MAMSTR: variants seen among roughly 807,000 people sequenced by gnomAD.
MAMSTR encodes MEF2-activating motif and SAP domain-containing transcriptional regulator.
MAMSTR carries 41 observed loss-of-function variants against 42.7 expected under a neutral mutation model. That is an observed-to-expected ratio of 0.96 (90% CI 0.75 to 1.25). The LOEUF (loss-of-function observed/expected upper bound fraction) is 1.25. MAMSTR is among the 50% of genes most tolerant of loss of function. The pLI, the probability that MAMSTR is intolerant of heterozygous loss-of-function variation, is 0.00. For missense variants in MAMSTR, 567 were observed against 557.6 expected (o/e 1.02, Z -0.17); for synonymous variants, 265 against 244.1 (o/e 1.09, Z -0.80).
Position 48,714,360 on chromosome 19 carries a change from C to A in MAMSTR, c.723+6G>T. On this transcript the variant is annotated splice_donor_region_variant and intron_variant, in intron 7 of 9. Coordinates refer to ENST00000318083, the MANE Select transcript of MAMSTR (RefSeq NM_001130915.2). ...TTGGTCCGCAAGCTCATAGCCCCGC[C>A]CTCACCGAGCCCTGACGCCGGGCGG... 7.3e-7 allele frequency: 1 copy of A among 1,367,120 alleles called. No homozygotes were observed. 84.7% of individuals were successfully genotyped at this position (1,367,120 alleles called of 1,614,324 possible).
At position 48,719,092 on chromosome 19, in the gene MAMSTR, C is replaced by T. The variant is rs2033160482; in HGVS notation, c.-21-40G>A. 2.7e-6 allele frequency: 4 copies of T among 1,462,184 alleles called. No individual in the cohort carries two copies. In the South Asian group the frequency reaches 3.6e-5, roughly 13 times the overall value. The allele number at this position is 1,462,184 out of a possible 1,614,324, so 90.6% of individuals were successfully genotyped here. A position where few individuals can be genotyped will look rare whatever the true frequency, so the allele number is the denominator to read the frequency against. On this transcript the variant is annotated intron_variant, in intron 1 of 9. Transcript: ENST00000318083. The surrounding 1 kb of genome is among the most constrained non-coding windows in gnomAD (Gnocchi z 4.4). ...GGCAGGGCAGGGGCCCCATAGAGGG[C>T]TGGCTCAGAGTGGAGGTCAGGAGGC...
intron 2 of MAMSTR, among the ~76,000 whole-genome samples, 167 bp downstream of exon 2, chr19:48,718,807 C>T (rs1012937353): frequency 5.9e-5 from 9 of 152,116 alleles, no homozygotes; most frequent in East Asian, 1.9e-4. Flanking sequence ...TTTGCACACT[C>T]GTTGATCCAC....
chr19:48,707,835 AAAGG>A (rs1171561067), downstream of MAMSTR, among the ~76,000 whole-genome samples: 5 of 105,434 alleles, frequency 4.7e-5, no homozygotes, highest in Non-Finnish European at 7.5e-5. Flanking sequence ...ACAAAGAAAG[AAAGG>A]AAAGAAAGAA....
At chr19:48,715,885 T>G (rs1192099323) in intron 3 of MAMSTR, 118 bp from the exon 4 acceptor site, 1 of 1,454,616 alleles carries the variant, frequency 6.9e-7, no homozygotes, top group Non-Finnish European at 9.0e-7. Context: ...GGAGCAAGAC[T>G]TGATTGCTGG....
chr19:48,711,106 C>T (rs79207793), downstream of MAMSTR, among the ~76,000 whole-genome samples: 1,471 of 152,236 alleles, frequency 9.7e-3, 25 homozygotes, highest in African/African-American at 0.033. Flanking sequence ...AGTGCCCTCC[C>T]GTATTTAACG....
chr19:48,716,890 A>C, intron 2 of MAMSTR, 147 bp from the exon 3 acceptor site: 1 of 1,221,462 alleles, frequency 8.2e-7, no homozygotes, highest in Non-Finnish European at 1.0e-6. Context: ...GTGGGCGGGC[A>C]GCAGGCTCCC....
chr19:48,710,271 A>ATTTT, downstream of MAMSTR, among the ~76,000 whole-genome samples: 1 of 144,946 alleles, frequency 6.9e-6, no homozygotes, highest in African/African-American at 2.6e-5. Context: ...CACCTGGCTA[A>ATTTT]TTATTTTTTT....
chr19:48,716,957 CT>C (rs2033066044), intron 2 of MAMSTR: 7 of 1,179,866 alleles, frequency 5.9e-6, no homozygotes, highest in Non-Finnish European at 1.0e-6. Flanking sequence ...CAGCGCCATT[CT>C]GGGGCTACGA....
chr19:48,714,567 AG>A lies in MAMSTR; in HGVS notation c.529-8del. On this transcript the variant is annotated splice_polypyrimidine_tract_variant and splice_region_variant and intron_variant, in intron 6 of 9. Coordinates refer to ENST00000318083, the MANE Select transcript of MAMSTR (RefSeq NM_001130915.2). ...GCTGCCGGAGCTCTGAGACCTGGGG[AG>A]GGGCGGGGCGTGGGAAGAGGCAGTG... 1 of 1,463,202 alleles carries A rather than the reference AG, an allele frequency of 6.8e-7. No homozygotes were observed. Among genetic ancestry groups the A allele is most frequent in the Non-Finnish European group, 8.9e-7 (1 of 1,120,268 alleles). The allele number at this position is 1,463,202 out of a possible 1,614,324, so 90.6% of individuals were successfully genotyped here.
intron 2 of MAMSTR, among the ~76,000 whole-genome samples, chr19:48,718,380 C>CTTTTT (rs796615883): frequency 1.0e-3 from 99 of 95,120 alleles, no homozygotes; most frequent in East Asian, 1.5e-3. Flanking sequence ...TTGCACACTT[C>CTTTTT]TTTTTTTTTT....
chr19:48,710,414 C>CT (rs551847729), downstream of MAMSTR, among the ~76,000 whole-genome samples: 95 of 103,738 alleles, frequency 9.2e-4, 1 homozygote, highest in South Asian at 0.013. Flanking sequence ...TGGGCCCAAT[C>CT]TTTTTTTTTT....
At chr19:48,711,497 T>C (rs2032723959), downstream of MAMSTR, among the ~76,000 whole-genome samples, 1 of 152,238 alleles carries the variant, frequency 6.6e-6, no homozygotes, top group Non-Finnish European at 1.5e-5. Flanking sequence ...CCCATGCATT[T>C]GTGAGCAGTC....
chr19:48,708,011 G>A (rs548294694), downstream of MAMSTR, among the ~76,000 whole-genome samples: 3 of 152,158 alleles, frequency 2.0e-5, no homozygotes, highest in South Asian at 6.2e-4. Context: ...AAGACCAGTG[G>A]ATTACCTAAG....
chr19:48,707,181 G>A, the MAMSTR span, among the ~76,000 whole-genome samples: 4 of 152,056 alleles, frequency 2.6e-5, no homozygotes, highest in African/African-American at 7.2e-5. Context: ...CACTTTGGGA[G>A]GCCGAGGCAG....
Position 48,714,007 on chromosome 19 carries a change from T to C in MAMSTR, c.762A>G (p.Pro254=), listed in dbSNP as rs2032856900. 1.2e-6 allele frequency: 2 copies of C among 1,607,622 alleles called. No homozygotes were observed. Among genetic ancestry groups the C allele is most frequent in the African/African-American group, 1.3e-5 (1 of 74,890 alleles). Reference sequence around the variant, plus strand: ...CCGTCCCCGGGGTATCCGCGGCACGTGGAAGAGGTGGCCTGTGAGATGCTG... The same window carrying C: ...CCGTCCCCGGGGTATCCGCGGCACGCGGAAGAGGTGGCCTGTGAGATGCTG... ...PSAASHRPPL[P]RAADTPGTAP... is the part of the protein sequence containing the mutation. The change falls in exon 8 of 10, where the codon CCA becomes CCG. Residue 254 remains proline (P), a synonymous_variant. Coordinates refer to ENST00000318083, the MANE Select transcript of MAMSTR (RefSeq NM_001130915.2).
intron 5 of MAMSTR, 147 bp from the exon 6 acceptor site, chr19:48,715,055 A>G (rs2032941115): frequency 4.4e-6 from 3 of 682,964 alleles, no homozygotes; most frequent in Admixed American, 2.9e-5. Flanking sequence ...ACATGGGGCT[A>G]GATTTCTGTG....
At chr19:48,710,980 T>G (rs1217392456), downstream of MAMSTR, among the ~76,000 whole-genome samples, 1 of 152,198 alleles carries the variant, frequency 6.6e-6, no homozygotes, top group Non-Finnish European at 1.5e-5. Context: ...TGGGAGTTTA[T>G]GTCATTCCTC....
chr19:48,711,326 G>A (rs1397841570), downstream of MAMSTR, among the ~76,000 whole-genome samples: 1 of 152,142 alleles, frequency 6.6e-6, no homozygotes, highest in African/African-American at 2.4e-5. Flanking sequence ...GTGTCACACT[G>A]CACAACCCAG....
At position 48,716,713 on chromosome 19, in the gene MAMSTR, T is replaced by C; in HGVS notation, c.89A>G (p.Gln30Arg). The C allele has an allele frequency of 7.5e-7, 1 of 1,335,924 alleles. No homozygotes were observed. The highest frequency in any genetic ancestry group is 9.7e-7 in the Non-Finnish European group (1 of 1,034,300). The allele number at this position is 1,335,924 out of a possible 1,614,324, so 82.8% of individuals were successfully genotyped here. A position where few individuals can be genotyped will look rare whatever the true frequency, so the allele number is the denominator to read the frequency against. Residue 30 changes from glutamine to arginine, a missense_variant, in exon 3 of 10, where the codon CAG (glutamine) becomes CGG (arginine). Gln to Arg is a conservative substitution (Grantham distance 43). Transcript: ENST00000318083. ...VLQLRIHRRN[Q>R]EQISDPDPWI... ...TTGGGGCCCATACTTACTCTGCTCC[T>C]GATTCCGTCTGTGGATCCGAAGCTG...
Sources: gnomAD v4.1 joint callset for allele counts (sites outside exome capture counted in the v4.1 genomes callset) on GRCh38, gnomAD v4.1.1 for gene constraint, Gnocchi (gnomAD v3.1) non-coding constraint, MANE v1.5 for transcripts, NCBI Gene and HGNC (gene_info 2026-07-23, HGNC 2026-07-21) for gene names.